The following VRK3 variants were observed in gnomAD, a reference collection of about 807,000 sequenced individuals.
VRK3 encodes serine/threonine-protein kinase VRK3.
A neutral mutation model predicts 60.4 loss-of-function variants in VRK3; 50 were observed. The ratio of observed to expected loss-of-function variants is 0.83; its 90% CI spans 0.66 to 1.05. The LOEUF (loss-of-function observed/expected upper bound fraction) is 1.05. VRK3 is among the 50% of genes least tolerant of loss of function. VRK3 has a pLI of 0.00. For missense variants in VRK3, 549 were observed against 585.3 expected (o/e 0.94, Z 0.64); for synonymous variants, 246 against 227.8 (o/e 1.08, Z -0.72).
chr19:49,981,104 G>GAT (rs1010551110), intron 12 of VRK3, 91 bp from the exon 13 acceptor site: 19 of 1,077,904 alleles, frequency 1.8e-5, no homozygotes, highest in Non-Finnish European at 2.1e-5. Context: ...CACAGCCTAA[G>GAT]ATATATACAC....
At chr19:49,987,325 T>C (rs893646767) in intron 12 of VRK3, among the ~76,000 whole-genome samples, 1 of 152,008 alleles carries the variant, frequency 6.6e-6, no homozygotes, top group African/African-American at 2.4e-5. Context: ...CACTTCCCTT[T>C]TGTGTCCCGC....
At chr19:49,982,747 G>A (rs1484664552) in intron 12 of VRK3, among the ~76,000 whole-genome samples, 1 of 152,158 alleles carries the variant, frequency 6.6e-6, no homozygotes. Flanking sequence ...GACTGTATAT[G>A]TACATACACA....
chr19:49,994,294 CAGAA>C (rs2076663060), intron 9 of VRK3, among the ~76,000 whole-genome samples: 1 of 152,164 alleles, frequency 6.6e-6, no homozygotes, highest in Admixed American at 6.5e-5. Flanking sequence ...CTCTAAGACA[CAGAA>C]ACCATGTTTA....
chr19:50,011,831 T>C (rs1332758414), intron 3 of VRK3, among the ~76,000 whole-genome samples: 1 of 149,240 alleles, frequency 6.7e-6, no homozygotes, highest in Non-Finnish European at 1.5e-5. Context: ...CCAAACTCCC[T>C]CCCGTGGTCC....
At chr19:50,009,970 TCC>T (rs2076966059) in intron 3 of VRK3, among the ~76,000 whole-genome samples, 2 of 152,030 alleles carry the variant, frequency 1.3e-5, no homozygotes, top group African/African-American at 2.4e-5. Context: ...AAATCTATCT[TCC>T]AGTTAACTAA....
At chr19:49,978,453 A>C (rs563461951) in intron 14 of VRK3, 2 of 152,734 alleles carry the variant, frequency 1.3e-5, no homozygotes, top group East Asian at 3.9e-4. Context: ...AAAGCCATCT[A>C]GTCAGCACTG....
chr19:49,988,576 C>G, intron 11 of VRK3, 84 bp from the exon 12 acceptor site: 5 of 1,522,352 alleles, frequency 3.3e-6, no homozygotes, highest in Non-Finnish European at 4.4e-6. Context: ...TCCCCTCTCT[C>G]TCACTGACTC....
At chr19:49,982,693 T>C (rs2123016919) in intron 12 of VRK3, among the ~76,000 whole-genome samples, 1 of 152,244 alleles carries the variant, frequency 6.6e-6, no homozygotes, top group South Asian at 2.1e-4. Context: ...CTACTTTTAG[T>C]GAGTAAGAGA....
chr19:50,024,939 T>C (rs2077241408), intron 1 of VRK3: 1 of 152,234 alleles, frequency 6.6e-6, no homozygotes, highest in Non-Finnish European at 1.5e-5. Context: ...GGCGATTGCC[T>C]AGGCGACGAC....
At chr19:49,994,978 C>A in intron 8 of VRK3, 59 bp from the exon 9 acceptor site, 1 of 1,523,754 alleles carries the variant, frequency 6.6e-7, no homozygotes, top group Non-Finnish European at 9.0e-7. Flanking sequence ...GGAGTACCGG[C>A]CGCCAAGGAT....
At chr19:50,016,302 T>C in intron 2 of VRK3, 139 bp from the exon 3 acceptor site, 1 of 1,128,034 alleles carries the variant, frequency 8.9e-7, no homozygotes. Flanking sequence ...TGTTCACTTC[T>C]TAAAACATGC....
intron 14 of VRK3, among the ~76,000 whole-genome samples, chr19:49,978,024 G>A (rs991442535): frequency 1.3e-5 from 2 of 152,192 alleles, no homozygotes; most frequent in African/African-American, 2.4e-5. Flanking sequence ...ACGTCGCTGC[G>A]CCGGGAGACA....
At chr19:50,012,532 C>T (rs942915264) in intron 3 of VRK3, among the ~76,000 whole-genome samples, 1 of 152,116 alleles carries the variant, frequency 6.6e-6, no homozygotes, top group Non-Finnish European at 1.5e-5. Context: ...TACATATTTG[C>T]CATCTGATGA....
chr19:49,977,642 C>A (rs992687239), intron 14 of VRK3, among the ~76,000 whole-genome samples: 10 of 152,122 alleles, frequency 6.6e-5, no homozygotes, highest in African/African-American at 2.4e-4. Context: ...TGACAAGTGA[C>A]CCCGTGGTCA....
chr19:49,979,826 G>T (rs947821082), intron 13 of VRK3, among the ~76,000 whole-genome samples: 6 of 151,572 alleles, frequency 4.0e-5, no homozygotes, highest in Admixed American at 1.3e-4. Flanking sequence ...GGTGGATCAT[G>T]AAGTCAGGAG....
At chr19:50,016,432 T>A (rs1049671238) in intron 2 of VRK3, among the ~76,000 whole-genome samples, 1 of 152,096 alleles carries the variant, frequency 6.6e-6, no homozygotes, top group African/African-American at 2.4e-5. Flanking sequence ...GGGGTGTGAG[T>A]AGAGTCATCT....
chr19:50,023,077 C>T (rs963882245), intron 1 of VRK3, among the ~76,000 whole-genome samples: 8 of 152,238 alleles, frequency 5.3e-5, no homozygotes, highest in African/African-American at 1.9e-4. Flanking sequence ...CTGCCTGGAA[C>T]GCTGTCCCCC....
chr19:50,010,884 GC>G (rs2076984093), intron 3 of VRK3, among the ~76,000 whole-genome samples: 1 of 152,178 alleles, frequency 6.6e-6, no homozygotes. Flanking sequence ...CTGCACTCTA[GC>G]CTGGATGACA....
chr19:49,989,799 A>G, intron 10 of VRK3, 28 bp from the exon 11 acceptor site: 1 of 1,582,252 alleles, frequency 6.3e-7, no homozygotes. Flanking sequence ...AGCCATACAG[A>G]TTGGAGGTTA....
Sources: allele counts gnomAD v4.1 joint callset (sites outside exome capture counted in the v4.1 genomes callset), GRCh38; gene constraint gnomAD v4.1.1; transcripts MANE v1.5; gene names NCBI Gene and HGNC (gene_info 2026-07-23, HGNC 2026-07-21).